Variants in MTA1 observed in about 807,000 individuals in gnomAD.
MTA1 encodes metastasis-associated protein MTA1.
In MTA1, 15 loss-of-function variants were observed where a neutral mutation model predicts 97.0. That is an observed-to-expected ratio of 0.15 (90% confidence interval 0.10 to 0.24). The LOEUF (loss-of-function observed/expected upper bound fraction) is 0.24. Among genes scored for constraint, MTA1 ranks in the 10% least tolerant of loss-of-function variants. The pLI is 1.00. For missense variants in MTA1, 709 were observed against 1,015.1 expected, an observed-to-expected ratio of 0.70 and a Z score of 4.10; for synonymous variants, 435 against 417.5, an observed-to-expected ratio of 1.04 and a Z score of -0.51.
chr14:105,455,897 A>G (rs1232581436), intron 7 of MTA1, among the ~76,000 whole-genome samples: 1 of 152,038 alleles, frequency 6.6e-6, no homozygotes, highest in East Asian at 1.9e-4. Context: ...TGTGGGTCGG[A>G]GCCTGGGGAG....
At position 105,469,910 on chromosome 14, in the gene MTA1, T is replaced by G; in HGVS notation, c.1915T>G (p.Ser639Ala). 6.2e-7 allele frequency: 1 copy of G among 1,611,866 alleles called. No homozygotes were observed. The highest frequency in any genetic ancestry group is 8.5e-7 in the Non-Finnish European group (1 of 1,179,580). Residue 639 changes from serine to alanine, a missense_variant, in exon 20 of 21, where the codon TCC becomes GCC. Coordinates refer to ENST00000331320, the MANE Select transcript of MTA1 (RefSeq NM_004689.4). ...PTKVRLIRGG[S>A]LPPVKRRRMN... ...CAAAGTGCGCCTGATCCGGGGGGGC[T>G]CCCTGCCCCCAGTCAAGCGGCGGCG...
intron 3 of MTA1, among the ~76,000 whole-genome samples, chr14:105,448,071 G>A (rs2082780265): frequency 6.6e-6 from 1 of 152,146 alleles, no homozygotes; most frequent in Non-Finnish European, 1.5e-5. Flanking sequence ...CCCCCCGGCA[G>A]GGCTGTGAGC....
chr14:105,452,934 TGGAAACG>T (rs1180825512), intron 6 of MTA1, among the ~76,000 whole-genome samples: 12 of 152,158 alleles, frequency 7.9e-5, no homozygotes, highest in African/African-American at 1.2e-4. Flanking sequence ...GAGGATGACC[TGGAAACG>T]GGAGGGTGAT....
chr14:105,460,358 C>T lies in MTA1; in HGVS notation c.654C>T (p.Arg218=), dbSNP rs587637282. The T allele has an allele frequency of 1.9e-6, 3 of 1,608,118 alleles. No homozygotes were observed. Among genetic ancestry groups the T allele is most frequent in the Non-Finnish European group, 2.5e-6 (3 of 1,177,410 alleles). ...TGGTCAGCGCATCTCCTTTCCCCAG[C>T]TCTGTGGGCACCTTCGCACGGGCCC... ...KQIDQFLVVA[R]SVGTFARALD... is the part of the protein sequence containing the mutation. The change falls in exon 9 of 21, where the codon CGC becomes CGT. Residue 218 remains arginine (R), a splice_region_variant and synonymous_variant. Transcript: ENST00000331320.
chr14:105,425,395 C>T (rs1595255264), intron 1 of MTA1, among the ~76,000 whole-genome samples: 1 of 152,274 alleles, frequency 6.6e-6, no homozygotes, highest in East Asian at 1.9e-4. Context: ...CCCATCTCAG[C>T]TTCCTGAGTA....
chr14:105,449,167 G>A, intron 3 of MTA1, 192 bp from the exon 4 acceptor site: 1 of 555,682 alleles, frequency 1.8e-6, no homozygotes, highest in Non-Finnish European at 3.2e-6. Context: ...GGGTGGATGG[G>A]CAGCCAGAGT....
intron 8 of MTA1, among the ~76,000 whole-genome samples, chr14:105,459,089 G>A (rs1366044815): frequency 7.4e-6 from 1 of 135,140 alleles, no homozygotes; most frequent in Non-Finnish European, 1.6e-5. Flanking sequence ...GCTGCCCATG[G>A]CCCCTGGTCC....
rs1288687424 is a variant in MTA1 at position 105,450,246 on chromosome 14, G to A, written c.369-15G>A. ...CTGCCCTCGCCTTTCCAGCCTGCCC[G>A]TCCTTCTCTTCCAGGGGCAAGTGCA... On this transcript the variant is annotated splice_polypyrimidine_tract_variant and intron_variant, in intron 5 of 20. Transcript: ENST00000331320. The A allele has an allele frequency of 1.5e-5, 24 of 1,609,276 alleles. No homozygotes were observed. The highest frequency in any genetic ancestry group is 2.0e-5 in the Non-Finnish European group (23 of 1,176,820).
At position 105,458,249 on chromosome 14, in the gene MTA1, G is replaced by A. The variant is rs782642302; in HGVS notation, c.551-21G>A. 7 of 1,608,616 alleles carry A rather than the reference G, an allele frequency of 4.4e-6. No homozygotes were observed. In the African/African-American group the frequency reaches 5.3e-5, roughly 12 times the overall value. On this transcript the variant is annotated intron_variant, in intron 7 of 20. Transcript: ENST00000331320. ...GCGCCGTGGGACCCCGTCTCAGAAA[G>A]GCCACACTTCCTCCCTGTAGGCGAG...
chr14:105,458,438 T>G, intron 8 of MTA1, 66 bp downstream of exon 8: 1 of 1,421,960 alleles, frequency 7.0e-7, no homozygotes, highest in Non-Finnish European at 9.8e-7. Context: ...CCCTTCCCTG[T>G]GGTGGGTGTT....
Position 105,463,051 on chromosome 14 carries a change from G to A in MTA1, c.943-133G>A, listed in dbSNP as rs1051103271. The A allele has an allele frequency of 7.1e-6, 6 of 850,710 alleles. No individual in the cohort carries two copies. The highest frequency in any genetic ancestry group is 2.0e-5 in the Admixed American group (1 of 50,514). The allele number at this position is 850,710 out of a possible 1,614,324, so 52.7% of individuals were successfully genotyped here. On this transcript the variant is annotated intron_variant, in intron 10 of 20. Coordinates refer to ENST00000331320, the MANE Select transcript of MTA1 (RefSeq NM_004689.4). This position sits in a 1 kb window ranked among gnomAD's most constrained non-coding sequence, Gnocchi z 5.9. ...GCCTGCCAGCAGGGGCCTGGCCTCC[G>A]TGCACCAAGCACACCTCGCCCTCTG...
At chr14:105,457,403 C>T (rs998993490) in intron 7 of MTA1, among the ~76,000 whole-genome samples, 6 of 152,252 alleles carry the variant, frequency 3.9e-5, no homozygotes, top group Admixed American at 3.9e-4. Context: ...TCTCCATCGT[C>T]CCAGCTCCCA....
At chr14:105,443,677 T>TG (rs1567017816) in intron 2 of MTA1, among the ~76,000 whole-genome samples, 1 of 152,218 alleles carries the variant, frequency 6.6e-6, no homozygotes, top group Non-Finnish European at 1.5e-5. Context: ...CCAGGTGCCT[T>TG]GGCTTACTCC....
intron 18 of MTA1, chr14:105,467,991 C>T (rs1249853653): frequency 3.4e-6 from 1 of 292,778 alleles, no homozygotes; most frequent in East Asian, 9.0e-5. Flanking sequence ...CCCTTGCCGC[C>T]TGGCTGGGCG....
At chr14:105,440,753 C>G (rs2082483958) in intron 2 of MTA1, among the ~76,000 whole-genome samples, 1 of 152,254 alleles carries the variant, frequency 6.6e-6, no homozygotes, top group African/African-American at 2.4e-5. Context: ...GGCAGGGCAG[C>G]CGAGCCAGAC....
intron 13 of MTA1, 26 bp downstream of exon 13, chr14:105,464,173 A>G: frequency 6.3e-7 from 1 of 1,594,860 alleles, no homozygotes; most frequent in Non-Finnish European, 8.6e-7. Context: ...GGCCGGGGGC[A>G]CACCGCACGC....
intron 1 of MTA1, among the ~76,000 whole-genome samples, chr14:105,432,915 G>A (rs1158175940): frequency 6.6e-6 from 1 of 152,098 alleles, no homozygotes; most frequent in African/African-American, 2.4e-5. Context: ...GGGAAACGTC[G>A]ACATTTCAAA....
chr14:105,441,515 C>G (rs1358657977), intron 2 of MTA1, among the ~76,000 whole-genome samples: 1 of 152,232 alleles, frequency 6.6e-6, no homozygotes, highest in Non-Finnish European at 1.5e-5. Context: ...AACTCAGAGG[C>G]TGGACGCAGG....
At position 105,420,849 on chromosome 14, in the gene MTA1, G is replaced by T. The variant is rs1007657288; in HGVS notation, c.28+786G>T. Among the ~76,000 whole-genome samples the T allele has an allele frequency of 6.6e-6, 1 of 152,152 alleles. No homozygotes were observed. Among genetic ancestry groups the T allele is most frequent in the African/African-American group, 2.4e-5 (1 of 41,434 alleles). On this transcript the variant is annotated intron_variant, in intron 1 of 20. Coordinates refer to ENST00000331320, the MANE Select transcript of MTA1 (RefSeq NM_004689.4). The surrounding 1 kb of genome is among the most constrained non-coding windows in gnomAD (Gnocchi z 5.3). ...GGGGTCTTTCACAGGAAGGTGGGGG[G>T]TCGTGTGCATTCCATCATTCCATCA...
Sources: allele counts gnomAD v4.1 joint callset (sites outside exome capture counted in the v4.1 genomes callset), GRCh38; gene constraint gnomAD v4.1.1; non-coding constraint Gnocchi (gnomAD v3.1); transcripts MANE v1.5; gene names NCBI Gene and HGNC (gene_info 2026-07-23, HGNC 2026-07-21).